CCR5AS: variants seen among roughly 807,000 people sequenced by gnomAD.
CCR5AS encodes the protein CCR5 antisense RNA.
At chr3:46,377,513 A>T (rs544113103) in intron 2 of CCR5AS, among the ~76,000 whole-genome samples, 18 of 152,220 alleles carry the variant, frequency 1.2e-4, no homozygotes, top group Non-Finnish European at 2.2e-4. Context: ...GCTCTGAATA[A>T]ATTAAGATGC....
intron 2 of CCR5AS, among the ~76,000 whole-genome samples, chr3:46,388,177 G>A (rs1031867690): frequency 6.6e-6 from 1 of 152,158 alleles, no homozygotes; most frequent in Non-Finnish European, 1.5e-5. Context: ...GTGATGAAAT[G>A]TTGGGGCAGC....
At chr3:46,378,080 C>T (rs1465611682) in intron 2 of CCR5AS, among the ~76,000 whole-genome samples, 1 of 152,146 alleles carries the variant, frequency 6.6e-6, no homozygotes, top group Non-Finnish European at 1.5e-5. Context: ...TGTCAGAGTA[C>T]GTGGAGATTT....
intron 1 of CCR5AS, among the ~76,000 whole-genome samples, chr3:46,394,610 C>T (rs1575286781): frequency 6.6e-6 from 1 of 152,260 alleles, no homozygotes; most frequent in Non-Finnish European, 1.5e-5. Context: ...GCCAGCGAGA[C>T]GTCCTGAGAT....
chr3:46,378,835 C>T (rs1393350205), intron 2 of CCR5AS, among the ~76,000 whole-genome samples: 1 of 152,152 alleles, frequency 6.6e-6, no homozygotes, highest in Non-Finnish European at 1.5e-5. Flanking sequence ...GTGCTGCTCT[C>T]ATGAGCTTGC....
At chr3:46,382,113 T>C (rs1326678675) in intron 2 of CCR5AS, among the ~76,000 whole-genome samples, 1 of 152,252 alleles carries the variant, frequency 6.6e-6, no homozygotes, top group Admixed American at 6.5e-5. Context: ...TGCCGGCAGC[T>C]GTGCCAATAG....
At chr3:46,375,670 G>C (rs1177535073) in intron 2 of CCR5AS, 1 of 164,196 alleles carries the variant, frequency 6.1e-6, no homozygotes, top group Non-Finnish European at 1.5e-5. Flanking sequence ...GGGGGTGGGG[G>C]GGGCGCCTTA....
chr3:46,391,901 C>A (rs1448852790), intron 2 of CCR5AS, among the ~76,000 whole-genome samples: 1 of 152,030 alleles, frequency 6.6e-6, no homozygotes, highest in Non-Finnish European at 1.5e-5. Flanking sequence ...GGGGTGGAGA[C>A]TGAAGGAACA....
At chr3:46,384,870 TAGA>T (rs1701845186) in intron 2 of CCR5AS, among the ~76,000 whole-genome samples, 3 of 101,920 alleles carry the variant, frequency 2.9e-5, no homozygotes, top group Non-Finnish European at 6.6e-5. Context: ...GATAGATAGA[TAGA>T]TAGATAGATA....
At chr3:46,372,426 G>T (rs532826654) in intron 2 of CCR5AS, among the ~76,000 whole-genome samples, 44 of 152,070 alleles carry the variant, frequency 2.9e-4, no homozygotes, top group African/African-American at 1.0e-3. Flanking sequence ...CACTTGGAGG[G>T]GTGAGGTGAG....
intron 2 of CCR5AS, among the ~76,000 whole-genome samples, chr3:46,382,661 A>T (rs1357035972): frequency 6.6e-6 from 1 of 152,194 alleles, no homozygotes; most frequent in Admixed American, 6.5e-5. Flanking sequence ...TATCTGCATC[A>T]TCCAAAATGG....
At position 46,374,044 on chromosome 3, in the gene CCR5AS, TG is replaced by T. The variant is rs1355015549; in HGVS notation, n.392-2628del. Reference sequence around the variant, plus strand: ...TACACAGCCTGGGCTGGGGGTGGGGTGGGAGAGGTCTTTTTTAAAAGGAAGT... The same window carrying T: ...TACACAGCCTGGGCTGGGGGTGGGGTGGAGAGGTCTTTTTTAAAAGGAAGT... On this transcript the variant is annotated intron_variant and non_coding_transcript_variant, in intron 2 of 3. Transcript: ENST00000451485. 5.1e-6 allele frequency: 5 copies of T among 987,934 alleles called. No individual in the cohort carries two copies. In the African/African-American group the frequency reaches 6.5e-5, roughly 13 times the overall value. The allele number at this position is 987,934 out of a possible 1,614,324, so 61.2% of individuals were successfully genotyped here. A position where few individuals can be genotyped will look rare whatever the true frequency, so the allele number is the denominator to read the frequency against.
chr3:46,372,592 T>C (rs1308121842), intron 2 of CCR5AS: 1 of 194,918 alleles, frequency 5.1e-6, no homozygotes, highest in African/African-American at 2.3e-5. Context: ...TTCTTAAAAT[T>C]GTTGTCAAAG....
chr3:46,371,816 A>G (rs930289391), intron 2 of CCR5AS, among the ~76,000 whole-genome samples: 1 of 152,192 alleles, frequency 6.6e-6, no homozygotes, highest in Non-Finnish European at 1.5e-5. Context: ...AGGATTTTAC[A>G]ATTGGCTGTT....
Position 46,373,395 on chromosome 3 carries a change from A to G in CCR5AS, n.392-1978T>C, listed in dbSNP as rs1386097256. On this transcript the variant is annotated intron_variant and non_coding_transcript_variant, in intron 2 of 3. Transcript: ENST00000451485. ...TGTGTTTGCGTCTCTCCCAGGAATCATCTTTACCAGATCTCAAAAAGAAGG... is the reference window on the plus strand; with the variant it reads ...TGTGTTTGCGTCTCTCCCAGGAATCGTCTTTACCAGATCTCAAAAAGAAGG... 3 of 1,612,420 alleles carry G rather than the reference A, an allele frequency of 1.9e-6. No homozygotes were observed. The African/African-American group carries it at 4.0e-5, about 22-fold the overall frequency.
Position 46,373,747 on chromosome 3 carries a change from CAG to C in CCR5AS, n.392-2332_392-2331del, listed in dbSNP as rs1294154353. On this transcript the variant is annotated intron_variant and non_coding_transcript_variant, in intron 2 of 3. Coordinates refer to ENST00000451485, the Ensembl canonical transcript of CCR5AS. ...AGGTTGGACCAAGCTATGCAGGTGA[CAG>C]AGACTCTTGGGATGACGCACTGCTG... The C allele has an allele frequency of 1.9e-6, 3 of 1,613,868 alleles. No homozygotes were observed. In the South Asian group the frequency reaches 3.3e-5, roughly 18 times the overall value.
At chr3:46,376,564 A>G (rs1008349424) in intron 2 of CCR5AS, among the ~76,000 whole-genome samples, 3 of 152,222 alleles carry the variant, frequency 2.0e-5, no homozygotes, top group Non-Finnish European at 4.4e-5. Flanking sequence ...TTAGTTGTCT[A>G]TGTTTGAAAA....
intron 2 of CCR5AS, among the ~76,000 whole-genome samples, chr3:46,385,504 C>T (rs1263105579): frequency 6.6e-6 from 1 of 152,190 alleles, no homozygotes. Flanking sequence ...TGCTCAATAA[C>T]ATACCAAATC....
intron 2 of CCR5AS, among the ~76,000 whole-genome samples, chr3:46,385,742 T>TTTA (rs1701855387): frequency 6.6e-6 from 1 of 151,340 alleles, no homozygotes; most frequent in African/African-American, 2.4e-5. Context: ...TTATTTATTA[T>TTTA]TTATTTATTT....
chr3:46,388,585 A>G (rs1329151424), intron 2 of CCR5AS, among the ~76,000 whole-genome samples: 1 of 152,196 alleles, frequency 6.6e-6, no homozygotes, highest in Non-Finnish European at 1.5e-5. Flanking sequence ...GTCATATGCC[A>G]GGCCAGATTG....
Sources: allele counts gnomAD v4.1 joint callset (sites outside exome capture counted in the v4.1 genomes callset), GRCh38; gene constraint gnomAD v4.1.1; transcripts MANE v1.5; gene names NCBI Gene and HGNC (gene_info 2026-07-23, HGNC 2026-07-21).